CHST8: variants seen among roughly 807,000 people sequenced by gnomAD.
The protein encoded by CHST8 is GALNAC-4-ST1.
CHST8 carries 10 observed loss-of-function variants against 15.0 expected under a neutral mutation model. The ratio of observed to expected loss-of-function variants is 0.67; its 90% CI spans 0.41 to 1.13. CHST8 has a LOEUF of 1.13. Ranked by LOEUF, CHST8 falls within the 50% of genes most tolerant of loss-of-function variation. The probability of loss-of-function intolerance (pLI) is 0.00; values close to 1 mark genes in which losing one functional copy is unlikely to be tolerated. For missense variants in CHST8, 634 were observed against 608.2 expected, an observed-to-expected ratio of 1.04 and a Z score of -0.45; for synonymous variants, 259 against 256.6, an observed-to-expected ratio of 1.01 and a Z score of -0.09.
At chr19:33,760,277 T>TCCTG (rs1974693197) in intron 3 of CHST8, among the ~76,000 whole-genome samples, 1 of 568 alleles carries the variant, frequency 1.8e-3, no homozygotes, top group Non-Finnish European at 4.7e-3. Flanking sequence ...CTTCCTTCCT[T>TCCTG]CCCTCCTTCC....
In CHST8 at chr19:33,667,637, T is replaced by C. The variant is rs1323313975; in HGVS notation, c.-163-130T>C. Reference sequence around the variant, plus strand: ...TGAGCGAATGCATTAAAACTAAAATTAAATCATTACCCGCAGCACAGACGA... The same window carrying C: ...TGAGCGAATGCATTAAAACTAAAATCAAATCATTACCCGCAGCACAGACGA... On this transcript the variant is annotated intron_variant, in intron 1 of 4. Transcript: ENST00000650847. 18 of 152,256 alleles carry C rather than the reference T, an allele frequency of 1.2e-4. No individual in the cohort carries two copies. The South Asian group carries it at 3.1e-3, about 26-fold the overall frequency. 9.4% of individuals were successfully genotyped at this position (152,256 alleles called of 1,614,324 possible). A position where few individuals can be genotyped will look rare whatever the true frequency, so the allele number is the denominator to read the frequency against.
At chr19:33,655,285 C>T (rs997735007) in intron 1 of CHST8, among the ~76,000 whole-genome samples, 3 of 152,154 alleles carry the variant, frequency 2.0e-5, no homozygotes, top group Non-Finnish European at 4.4e-5. Context: ...GATCTGCCCG[C>T]CTCAGCCTCC....
intron 3 of CHST8, among the ~76,000 whole-genome samples, chr19:33,707,836 G>A (rs1365243066): frequency 6.6e-6 from 1 of 152,200 alleles, no homozygotes; most frequent in Middle Eastern, 3.2e-3. Context: ...CTGACAAACT[G>A]TTGGCTAAAA....
rs894548858 is a variant in CHST8, at chr19:33,657,457, T to TG, written c.-163-10303dup. 1.2e-4 allele frequency among the ~76,000 whole-genome samples: 18 copies of TG among 150,126 alleles called. 1 individual carries two copies. Among genetic ancestry groups the TG allele is most frequent in the Non-Finnish European group, 1.8e-4 (12 of 67,490 alleles). On this transcript the variant is annotated intron_variant, in intron 1 of 4. Transcript: ENST00000650847. Reference sequence around the variant, plus strand: ...CTAATTTTTGTGTTTTTAGTAGAGATGGGGGGGTTTCGTTATGTTGACCAG... The same window carrying TG: ...CTAATTTTTGTGTTTTTAGTAGAGATGGGGGGGGTTTCGTTATGTTGACCAG...
chr19:33,636,001 GA>G, intron 1 of CHST8, among the ~76,000 whole-genome samples: 1 of 150,270 alleles, frequency 6.7e-6, no homozygotes, highest in South Asian at 2.1e-4. Flanking sequence ...AGCAGTTTGG[GA>G]AAAACAACAC....
intron 3 of CHST8, among the ~76,000 whole-genome samples, chr19:33,732,750 C>T (rs544252739): frequency 1.6e-4 from 24 of 152,016 alleles, no homozygotes; most frequent in Admixed American, 2.6e-4. Context: ...AGCAGGGCAA[C>T]GCCAGACCCT....
intron 3 of CHST8, among the ~76,000 whole-genome samples, chr19:33,738,012 C>A (rs1462342876): frequency 6.6e-6 from 1 of 152,138 alleles, no homozygotes; most frequent in African/African-American, 2.4e-5. Flanking sequence ...TGTGTGCTTT[C>A]CACCCTACAC....
intron 1 of CHST8, among the ~76,000 whole-genome samples, chr19:33,666,637 CTT>C (rs753454865): frequency 2.6e-5 from 4 of 152,088 alleles, no homozygotes; most frequent in East Asian, 1.9e-4. Flanking sequence ...TGGAATTCCT[CTT>C]GTTAGTAAGA....
chr19:33,752,275 T>A (rs1166200021), intron 3 of CHST8, among the ~76,000 whole-genome samples: 2 of 152,186 alleles, frequency 1.3e-5, no homozygotes, highest in Non-Finnish European at 1.5e-5. Context: ...ACAGGGATTC[T>A]CCTGCTCATT....
intron 1 of CHST8, among the ~76,000 whole-genome samples, chr19:33,646,328 A>G (rs1397752108): frequency 1.3e-5 from 2 of 152,004 alleles, no homozygotes; most frequent in Non-Finnish European, 2.9e-5. Flanking sequence ...TTCTTCATTT[A>G]TTGTGCTATG....
chr19:33,681,960 A>G (rs1793214099), intron 2 of CHST8, among the ~76,000 whole-genome samples: 3 of 149,510 alleles, frequency 2.0e-5, no homozygotes, highest in Non-Finnish European at 1.5e-5. Flanking sequence ...TCCACCTCCC[A>G]TTCTCCTGCC....
chr19:33,668,661 CT>C (rs990722150), intron 2 of CHST8, among the ~76,000 whole-genome samples: 3 of 151,816 alleles, frequency 2.0e-5, no homozygotes, highest in South Asian at 2.1e-4. Flanking sequence ...ATTGGAGAGG[CT>C]TTTTTTGTGG....
chr19:33,720,610 T>G (rs528160286), intron 3 of CHST8, among the ~76,000 whole-genome samples: 2 of 152,330 alleles, frequency 1.3e-5, no homozygotes, highest in Non-Finnish European at 2.9e-5. Context: ...CTGCTTACAG[T>G]GGAGGGGCAG....
At chr19:33,717,289 T>C (rs1457459408) in intron 3 of CHST8, among the ~76,000 whole-genome samples, 2 of 152,052 alleles carry the variant, frequency 1.3e-5, no homozygotes, top group Admixed American at 1.3e-4. Flanking sequence ...GGTGAGACCC[T>C]GTCTCTAATA....
intron 3 of CHST8, among the ~76,000 whole-genome samples, chr19:33,694,286 T>C (rs1056268966): frequency 9.5e-5 from 14 of 146,802 alleles, no homozygotes; most frequent in African/African-American, 3.5e-4. Flanking sequence ...GTTTGGCTTT[T>C]GCAGAGTGAG....
At chr19:33,666,794 C>T (rs578017383) in intron 1 of CHST8, among the ~76,000 whole-genome samples, 1 of 152,270 alleles carries the variant, frequency 6.6e-6, no homozygotes, top group African/African-American at 2.4e-5. Flanking sequence ...CATCCGCCTC[C>T]CGGGTTCAAG....
At chr19:33,684,170 C>G (rs749766333) in intron 2 of CHST8, among the ~76,000 whole-genome samples, 76 of 152,194 alleles carry the variant, frequency 5.0e-4, no homozygotes, top group Non-Finnish European at 8.4e-4. Context: ...CCTAGTAGGG[C>G]TATGGTGGCA....
intron 3 of CHST8, among the ~76,000 whole-genome samples, chr19:33,732,364 C>T (rs1041056462): frequency 6.6e-6 from 1 of 151,992 alleles, no homozygotes; most frequent in Non-Finnish European, 1.5e-5. Context: ...GCACCAGACG[C>T]CACAAGTAAA....
At chr19:33,666,737 C>T (rs1972666988) in intron 1 of CHST8, among the ~76,000 whole-genome samples, 1 of 152,140 alleles carries the variant, frequency 6.6e-6, no homozygotes, top group Admixed American at 6.5e-5. Flanking sequence ...GAGTCTTGCT[C>T]TGTCACCCAG....
Sources: allele counts gnomAD v4.1 joint callset (sites outside exome capture counted in the v4.1 genomes callset), GRCh38; gene constraint gnomAD v4.1.1; transcripts MANE v1.5; gene names NCBI Gene and HGNC (gene_info 2026-07-23, HGNC 2026-07-21).